The following ABHD8 variants were observed in gnomAD, a reference collection of about 807,000 sequenced individuals.
The protein encoded by ABHD8 is protein ABHD8.
A neutral mutation model predicts 29.3 loss-of-function variants in ABHD8; 10 were observed. The ratio of observed to expected loss-of-function variants is 0.34; its 90% CI spans 0.21 to 0.58. ABHD8 has a LOEUF of 0.58. ABHD8 is among the 20% of genes least tolerant of loss of function. The probability of loss-of-function intolerance (pLI) is 0.85; values close to 1 mark genes in which losing one functional copy is unlikely to be tolerated. For missense variants in ABHD8, 556 were observed against 615.3 expected (o/e 0.90, Z 1.02); for synonymous variants, 282 against 274.6 (o/e 1.03, Z -0.27).
chr19:17,294,240 A>T, intron 4 of ABHD8, 48 bp downstream of exon 4: 1 of 1,575,528 alleles, frequency 6.3e-7, no homozygotes, highest in Non-Finnish European at 8.6e-7. Context: ...CCTCCCGGGC[A>T]GCACCCTGGG....
chr19:17,296,994 C>T (rs146490750), intron 2 of ABHD8, among the ~76,000 whole-genome samples: 243 of 152,112 alleles, frequency 1.6e-3, no homozygotes, highest in African/African-American at 5.7e-3. Flanking sequence ...CGTGCCTGGC[C>T]AAAAAATGTT....
chr19:17,292,672 C>G lies in ABHD8; in HGVS notation c.1309G>C (p.Asp437His), dbSNP rs1159618102. 1.2e-6 allele frequency: 2 copies of G among 1,610,850 alleles called. No individual in the cohort carries two copies. The highest frequency in any genetic ancestry group is 3.4e-5 in the Admixed American group (2 of 59,634). Residue 437 changes from aspartate to histidine, a missense_variant, in exon 5 of 5, where the codon GAC becomes CAC. This residue lies in a region of ABHD8 where 270 missense variants were observed against 353.9 expected (regional missense o/e 0.76). Coordinates refer to ENST00000247706, the MANE Select transcript of ABHD8 (RefSeq NM_024527.5). ...LPEPLPAPPE[D>H]KK ...CGCCGGCCCAGCGGCTACTTCTTGT[C>G]TTCTGGAGGCGCCGGCAGTGGCTCC...
At position 17,292,625 on chromosome 19, in the gene ABHD8, C is replaced by T. The variant is rs141110800; in HGVS notation, c.*36G>A. On this transcript the variant is annotated 3_prime_UTR_variant, in exon 5 of 5. Coordinates refer to ENST00000247706, the MANE Select transcript of ABHD8 (RefSeq NM_024527.5). ...AGGCTCGGGCCTCCTCCTGCTGCGG[C>T]TGTGCTCACCAAGCGATGCCCCGCC... is the stretch of plus-strand genomic sequence containing the variant. The T allele has an allele frequency of 1.5e-5, 23 of 1,578,162 alleles. No homozygotes were observed. In the African/African-American group the frequency reaches 2.7e-4, roughly 18 times the overall value.
In ABHD8 at chr19:17,292,264, T is replaced by G. The variant is rs558941471; in HGVS notation, c.*397A>C. On this transcript the variant is annotated 3_prime_UTR_variant, in exon 5 of 5. Transcript: ENST00000247706. ...AATGGGGGGTAGGAAGGGTCTCGGATAACGGGATGGGGCCTCGAGGGTCCC... is the reference window on the plus strand; with the variant it reads ...AATGGGGGGTAGGAAGGGTCTCGGAGAACGGGATGGGGCCTCGAGGGTCCC... 4 of 281,644 alleles carry G rather than the reference T, an allele frequency of 1.4e-5. No individual in the cohort carries two copies. The highest frequency in any genetic ancestry group is 6.1e-5 in the East Asian group (1 of 16,412). 17.4% of individuals were successfully genotyped at this position (281,644 alleles called of 1,614,324 possible).
At chr19:17,296,353 C>T (rs564996997) in intron 2 of ABHD8, 2 of 152,174 alleles carry the variant, frequency 1.3e-5, no homozygotes, top group Non-Finnish European at 2.9e-5. Flanking sequence ...TGTGCCCGGC[C>T]CTCATCAGAT....
At position 17,292,705 on chromosome 19, in the gene ABHD8, C is replaced by G. The variant is rs958033047; in HGVS notation, c.1276G>C (p.Ala426Pro). 2 of 1,612,976 alleles carry G rather than the reference C, an allele frequency of 1.2e-6. No individual in the cohort carries two copies. Among genetic ancestry groups the G allele is most frequent in the Non-Finnish European group, 1.7e-6 (2 of 1,179,756 alleles). ...LLWEPEPSPK[A>P]LPEPLPAPPE... ...GGCGCCGGCAGTGGCTCCGGTAGAGCCTTGGGCGAGGGCTCGGGCTCCCAG... is the reference window on the plus strand; with the variant it reads ...GGCGCCGGCAGTGGCTCCGGTAGAGGCTTGGGCGAGGGCTCGGGCTCCCAG... The change falls in exon 5 of 5, where the codon GCT (alanine) becomes CCT (proline). Residue 426 changes from alanine to proline, a missense_variant. Physicochemically the swap from Ala to Pro is conservative, Grantham distance 27 (BLOSUM62 -1). This residue lies in a region of ABHD8 where 270 missense variants were observed against 353.9 expected (regional missense o/e 0.76). Transcript: ENST00000247706.
Position 17,294,801 on chromosome 19 carries a change from A to G in ABHD8, c.806T>C (p.Val269Ala). The G allele has an allele frequency of 1.2e-6, 2 of 1,614,212 alleles. No individual in the cohort carries two copies. The highest frequency in any genetic ancestry group is 1.7e-6 in the Non-Finnish European group (2 of 1,180,036). The change falls in exon 3 of 5, where the codon GTG becomes GCG. Residue 269 changes from valine to alanine, a missense_variant. Physicochemically the swap from Val to Ala is moderately conservative, Grantham distance 64 (BLOSUM62 0). This residue lies in a region of ABHD8 where 270 missense variants were observed against 353.9 expected (regional missense o/e 0.76). Coordinates refer to ENST00000247706, the MANE Select transcript of ABHD8 (RefSeq NM_024527.5). The part of the protein sequence containing the change: ...TFLAHEYPDL[V>A]HKVIMINGGG... ...GCCATTGATCATGATCACCTTGTGC[A>G]CTAGGTCTGGGTACTCATGTGCCAG...
intron 2 of ABHD8, among the ~76,000 whole-genome samples, chr19:17,300,504 GTC>G (rs1414432523): frequency 6.0e-5 from 9 of 148,882 alleles, no homozygotes; most frequent in African/African-American, 2.2e-4. Flanking sequence ...GCATCTCAGA[GTC>G]TCCCTCTGTC....
Position 17,301,176 on chromosome 19 carries a change from C to T in ABHD8, c.441G>A (p.Arg147=). The T allele has an allele frequency of 6.2e-7, 1 of 1,607,096 alleles. No individual in the cohort carries two copies. The highest frequency in any genetic ancestry group is 8.5e-7 in the Non-Finnish European group (1 of 1,178,834). ...GSGSGSGSGG[R]RRRARRPKRT... ...TCTTGGGGCGCCTGGCTCGCCGCCG[C>T]CGCCCACCACTGCCACTGCCGCTGC... Residue 147 remains arginine (R), a synonymous_variant, in exon 2 of 5, where the codon CGG becomes CGA. Transcript: ENST00000247706.
Position 17,301,406 on chromosome 19 carries a change from C to A in ABHD8, c.211G>T (p.Asp71Tyr), listed in dbSNP as rs766966995. 3.1e-6 allele frequency: 5 copies of A among 1,612,010 alleles called. No individual in the cohort carries two copies. In the South Asian group the frequency reaches 5.5e-5, roughly 18 times the overall value. The change falls in exon 2 of 5, where the codon GAC (aspartate) becomes TAC (tyrosine). Residue 71 changes from aspartate to tyrosine, a missense_variant. Around this residue, in one of 2 missense-constraint regions of ABHD8, gnomAD observed 286 missense variants for 261.4 expected, o/e 1.09. Coordinates refer to ENST00000247706, the MANE Select transcript of ABHD8 (RefSeq NM_024527.5). ...SSASSDAAQGDLSGLVRCQRR... is the reference protein window; with the variant it reads ...SSASSDAAQGYLSGLVRCQRR... Reference sequence around the variant, plus strand: ...TGACAGCGGACCAAGCCGGAGAGGTCCCCCTGGGCTGCATCCGAGGATGCG... The same window carrying A: ...TGACAGCGGACCAAGCCGGAGAGGTACCCCTGGGCTGCATCCGAGGATGCG...
At chr19:17,293,701 TTTTTC>T (rs2074081052) in intron 4 of ABHD8, among the ~76,000 whole-genome samples, 2 of 151,666 alleles carry the variant, frequency 1.3e-5, no homozygotes, top group Admixed American at 1.3e-4. Context: ...TTTTTTTTTT[TTTTTC>T]TTTAAGAAAC....
chr19:17,299,389 G>C (rs1215211983), intron 2 of ABHD8, among the ~76,000 whole-genome samples: 1 of 151,754 alleles, frequency 6.6e-6, no homozygotes, highest in African/African-American at 2.4e-5. Context: ...GTGAAACCCC[G>C]TCTGTACTAA....
intron 3 of ABHD8, 73 bp downstream of exon 3, chr19:17,294,602 C>T: frequency 6.2e-7 from 1 of 1,606,654 alleles, no homozygotes; most frequent in African/African-American, 1.3e-5. Context: ...ACAGTCCCCC[C>T]TCCCATCCAA....
intron 4 of ABHD8, 54 bp from the exon 5 acceptor site, chr19:17,292,885 C>T: frequency 6.4e-7 from 1 of 1,569,164 alleles, no homozygotes; most frequent in Non-Finnish European, 8.7e-7. Flanking sequence ...GGAGAGAGGC[C>T]AGGCTTCCCT....
rs536054282 is a variant in ABHD8, at chr19:17,301,092, G to T, written c.525C>A (p.Asp175Glu). Residue 175 changes from aspartate to glutamate, a missense_variant, in exon 2 of 5, where the codon GAC becomes GAA. Coordinates refer to ENST00000247706, the MANE Select transcript of ABHD8 (RefSeq NM_024527.5). ...RITSCKGAQA[D>E]VVLFFIHGVG... ...CACCATGGATGAAAAAGAGCACCAC[G>T]TCGGCCTGGGCGCCTTTGCAGCTAG... 6.2e-7 allele frequency: 1 copy of T among 1,613,440 alleles called. No individual in the cohort carries two copies. The highest frequency in any genetic ancestry group is 1.7e-5 in the Admixed American group (1 of 60,026).
In ABHD8 at chr19:17,301,772, TTGTTTGTGTG is replaced by T. The variant is rs2074120581; in HGVS notation, c.-8-158_-8-149del. 5 of 871,498 alleles carry T rather than the reference TTGTTTGTGTG, an allele frequency of 5.7e-6. No homozygotes were observed. In the South Asian group the frequency reaches 6.6e-5, roughly 12 times the overall value. 54.0% of individuals were successfully genotyped at this position (871,498 alleles called of 1,614,324 possible). ...AGTGAGCCACGGCACTGAGATTTTT[TTGTTTGTGTG>T]TGTGTGTGTGTGTGTGTGTGTGTGT... On this transcript the variant is annotated intron_variant, in intron 1 of 4. Coordinates refer to ENST00000247706, the MANE Select transcript of ABHD8 (RefSeq NM_024527.5).
chr19:17,299,021 C>T (rs966715136), intron 2 of ABHD8, among the ~76,000 whole-genome samples: 8 of 152,118 alleles, frequency 5.3e-5, no homozygotes, highest in African/African-American at 1.4e-4. Flanking sequence ...GGATTACAGG[C>T]GTAAGCCACT....
At chr19:17,293,691 T>G (rs55746741) in intron 4 of ABHD8, among the ~76,000 whole-genome samples, 545 of 10,018 alleles carry the variant, frequency 0.054, no homozygotes, top group African/African-American at 0.079. Context: ...ATGGTTTTTG[T>G]TTTTTTTTTT....
intron 4 of ABHD8, among the ~76,000 whole-genome samples, chr19:17,293,121 A>T (rs2074078462): frequency 7.2e-6 from 1 of 139,692 alleles, no homozygotes; most frequent in South Asian, 2.2e-4. Context: ...TTTGAGACAG[A>T]GTCTTGCTCT....
Sources: allele counts gnomAD v4.1 joint callset (sites outside exome capture counted in the v4.1 genomes callset), GRCh38; gene constraint gnomAD v4.1.1; regional missense constraint gnomAD v4.1.1; transcripts MANE v1.5; gene names NCBI Gene and HGNC (gene_info 2026-07-23, HGNC 2026-07-21).